SYNPO: variants seen among roughly 807,000 people sequenced by gnomAD.
The protein encoded by SYNPO is synaptopodin.
SYNPO carries 19 observed loss-of-function variants against 49.5 expected under a neutral mutation model. The ratio of observed to expected loss-of-function variants is 0.38; its 90% CI spans 0.27 to 0.56. SYNPO has a LOEUF of 0.56. Ranked by LOEUF, SYNPO falls within the 20% of genes least tolerant of loss-of-function variation. The probability of loss-of-function intolerance (pLI) is 0.68; values close to 1 mark genes in which losing one functional copy is unlikely to be tolerated. For synonymous variants in SYNPO, 536 were observed against 548.0 expected (o/e 0.98, Z 0.31); for missense variants, 1,131 against 1,248.3 (o/e 0.91, Z 1.42).
intron 1 of SYNPO, among the ~76,000 whole-genome samples, chr5:150,617,322 T>C (rs115245270): frequency 4.0e-4 from 61 of 152,022 alleles, no homozygotes; most frequent in African/African-American, 1.5e-3. Context: ...TTTGGCTGAG[T>C]TTCTGCTCTG....
At chr5:150,618,883 C>A in intron 2 of SYNPO, 3 of 1,306,208 alleles carry the variant, frequency 2.3e-6, no homozygotes, top group Non-Finnish European at 3.2e-6. Context: ...CATCACAGTC[C>A]CATGGGCATG....
chr5:150,650,109 G>T lies in SYNPO; in HGVS notation c.1834G>T (p.Ala612Ser). ...LPKGALPPSPALPRPSRSSPG... is the reference protein window; with the variant it reads ...LPKGALPPSPSLPRPSRSSPG... ...CAAGGGGGCTCTCCCTCCATCTCCT[G>T]CCCTGCCTCGGCCCTCGCGCTCCTC... Residue 612 changes from alanine to serine, a missense_variant, in exon 2 of 3, where the codon GCC becomes TCC. Physicochemically the swap from Ala to Ser is moderately conservative, Grantham distance 99 (BLOSUM62 1). This residue lies in a region of SYNPO where 509 missense variants were observed against 484.5 expected (regional missense o/e 1.05). Transcript: ENST00000307662. 1 of 1,613,626 alleles carries T rather than the reference G, an allele frequency of 6.2e-7. No homozygotes were observed. The highest frequency in any genetic ancestry group is 8.5e-7 in the Non-Finnish European group (1 of 1,179,946).
intron 2 of SYNPO, 147 bp downstream of exon 2, chr5:150,650,450 C>T: frequency 6.5e-7 from 1 of 1,535,618 alleles, no homozygotes; most frequent in South Asian, 1.2e-5. Flanking sequence ...GTCCATGGTT[C>T]AAGGTCAGAT....
chr5:150,587,950 A>G, the SYNPO span, among the ~76,000 whole-genome samples: 3 of 152,088 alleles, frequency 2.0e-5, no homozygotes, highest in Non-Finnish European at 4.4e-5. Context: ...CATTTTTGGG[A>G]AGGTCAGCCT....
At chr5:150,603,317 T>A (rs565874376) in intron 1 of SYNPO, among the ~76,000 whole-genome samples, 1 of 152,330 alleles carries the variant, frequency 6.6e-6, no homozygotes, top group South Asian at 2.1e-4. Context: ...GCGTTTTATC[T>A]GCCAGCCCAG....
chr5:150,628,000 G>A (rs180864116), intron 2 of SYNPO, among the ~76,000 whole-genome samples: 292 of 144,646 alleles, frequency 2.0e-3, no homozygotes, highest in Middle Eastern at 6.9e-3. Flanking sequence ...TAAGTTAGTC[G>A]TGTGTGTGTG....
chr5:150,602,805 C>T (rs1452234988), intron 1 of SYNPO, among the ~76,000 whole-genome samples: 3 of 152,016 alleles, frequency 2.0e-5, no homozygotes, highest in Non-Finnish European at 2.9e-5. Flanking sequence ...CTTCCCAGCG[C>T]GCTGGGATTA....
At chr5:150,614,870 T>G (rs1756943224) in intron 1 of SYNPO, 2 of 152,228 alleles carry the variant, frequency 1.3e-5, no homozygotes, top group Non-Finnish European at 2.9e-5. Flanking sequence ...TGGGGGTCCC[T>G]GGAGTCTGCA....
At chr5:150,624,937 T>A (rs1026916678) in intron 2 of SYNPO, 1 of 984,910 alleles carries the variant, frequency 1.0e-6, no homozygotes. Context: ...CTGGCAGGGG[T>A]GCGGGCACCG....
intron 2 of SYNPO, among the ~76,000 whole-genome samples, chr5:150,620,085 A>C (rs1435314647): frequency 6.6e-6 from 1 of 152,206 alleles, no homozygotes; most frequent in African/African-American, 2.4e-5. Flanking sequence ...GATGCTTTCT[A>C]GACTGGATGT....
At chr5:150,618,275 G>A in exon 2 of SYNPO, 1 of 1,410,844 alleles carries the variant, frequency 7.1e-7, no homozygotes, top group East Asian at 2.5e-5. Flanking sequence ...TGTGTAAGGA[G>A]CAGAGACCAG....
intron 2 of SYNPO, chr5:150,625,026 G>C: frequency 2.1e-6 from 2 of 953,662 alleles, no homozygotes; most frequent in Non-Finnish European, 2.5e-6. Context: ...TCCAGTCCTC[G>C]CACGCGGGGT....
intron 2 of SYNPO, among the ~76,000 whole-genome samples, chr5:150,632,651 C>T (rs1757579440): frequency 2.6e-5 from 4 of 152,200 alleles, no homozygotes; most frequent in Admixed American, 2.6e-4. Flanking sequence ...CCAGGCTCCT[C>T]TGCTTTATGG....
the SYNPO span, among the ~76,000 whole-genome samples, chr5:150,587,999 C>G: frequency 1.3e-5 from 2 of 152,188 alleles, no homozygotes; most frequent in African/African-American, 2.4e-5. Flanking sequence ...ATACCTTTCT[C>G]AAAGCCCAAT....
chr5:150,630,443 G>A (rs1303075136), intron 2 of SYNPO, among the ~76,000 whole-genome samples: 1 of 152,192 alleles, frequency 6.6e-6, no homozygotes, highest in African/African-American at 2.4e-5. Context: ...ACCCTCCCAT[G>A]GATCCCTAAG....
upstream of SYNPO, chr5:150,640,025 C>T (rs1447593582): frequency 1.6e-6 from 1 of 619,638 alleles, no homozygotes; most frequent in African/African-American, 2.0e-5. Flanking sequence ...CAAGTTGCTG[C>T]ACCCCTCTGA....
chr5:150,607,442 G>T (rs983481934), intron 1 of SYNPO, among the ~76,000 whole-genome samples: 1 of 152,164 alleles, frequency 6.6e-6, no homozygotes, highest in African/African-American at 2.4e-5. Context: ...GTGACACGGA[G>T]CTCAGTACCT....
At chr5:150,611,586 C>T (rs1756848603) in intron 1 of SYNPO, among the ~76,000 whole-genome samples, 1 of 152,180 alleles carries the variant, frequency 6.6e-6, no homozygotes, top group Non-Finnish European at 1.5e-5. Context: ...AACACTGGTC[C>T]CTTCTGCCCC....
chr5:150,590,650 C>T, the SYNPO span, among the ~76,000 whole-genome samples: 1 of 152,198 alleles, frequency 6.6e-6, no homozygotes, highest in Admixed American at 6.5e-5. Flanking sequence ...GAGCAAGTTA[C>T]TTAACACAAC....
Sources: gnomAD v4.1 joint callset for allele counts (sites outside exome capture counted in the v4.1 genomes callset) on GRCh38, gnomAD v4.1.1 for gene constraint, gnomAD v4.1.1 regional missense constraint, MANE v1.5 for transcripts, NCBI Gene and HGNC (gene_info 2026-07-23, HGNC 2026-07-21) for gene names.